Variants in PKD1L1 observed in about 807,000 individuals in gnomAD.
PKD1L1 encodes polycystin-1-like protein 1.
PKD1L1 carries 236 observed loss-of-function variants against 323.4 expected under a neutral mutation model. That is an observed-to-expected ratio of 0.73 (90% CI 0.66 to 0.81). The LOEUF (loss-of-function observed/expected upper bound fraction) is 0.81. PKD1L1 is among the 40% of genes least tolerant of loss of function. PKD1L1 has a pLI of 0.00. For missense variants in PKD1L1, 3,320 were observed against 3,508.0 expected (o/e 0.95, Z 1.35); for synonymous variants, 1,344 against 1,335.0 (o/e 1.01, Z -0.15).
Position 47,786,977 on chromosome 7 carries a change from C to A in PKD1L1, c.8526+5650G>T, listed in dbSNP as rs190249564. Among the ~76,000 whole-genome samples the A allele has an allele frequency of 1.1e-3, 161 of 152,300 alleles. 1 individual carries two copies. The highest frequency in any genetic ancestry group is 3.7e-3 in the African/African-American group (154 of 41,574). On this transcript the variant is annotated intron_variant, in intron 56 of 56. Coordinates refer to ENST00000289672, the MANE Select transcript of PKD1L1 (RefSeq NM_138295.5). The stretch of plus-strand genomic sequence containing the variant: ...TGAGTCACTTTAAAAATACAAAGAA[C>A]AATATGATTTGTAGGTGGTTATTGA...
intron 34 of PKD1L1, among the ~76,000 whole-genome samples, chr7:47,841,501 A>G (rs1383705059): frequency 6.6e-6 from 1 of 152,208 alleles, no homozygotes; most frequent in Non-Finnish European, 1.5e-5. Flanking sequence ...TCAGTTTTCC[A>G]AGTTCCACAA....
chr7:47,945,239 C>A (rs1034852913), intron 1 of PKD1L1, among the ~76,000 whole-genome samples: 6 of 152,180 alleles, frequency 3.9e-5, no homozygotes, highest in Non-Finnish European at 8.8e-5. Context: ...CTGAAAAATG[C>A]ATTCAGCTCT....
chr7:47,789,516 C>T lies in PKD1L1; in HGVS notation c.8526+3111G>A, dbSNP rs529196267. On this transcript the variant is annotated intron_variant, in intron 56 of 56. Transcript: ENST00000289672. ...TTGCTGTTGATTTCATTAAATTATACTTTCATTCTTTCAACTTCTTTCCTT... is the reference window on the plus strand; with the variant it reads ...TTGCTGTTGATTTCATTAAATTATATTTTCATTCTTTCAACTTCTTTCCTT... Among the ~76,000 whole-genome samples the T allele has an allele frequency of 3.3e-5, 5 of 152,128 alleles. No individual in the cohort carries two copies. In the South Asian group the frequency reaches 1.0e-3, roughly 32 times the overall value.
At chr7:47,896,142 G>A (rs1786929975) in intron 14 of PKD1L1, among the ~76,000 whole-genome samples, 1 of 151,996 alleles carries the variant, frequency 6.6e-6, no homozygotes, top group Admixed American at 6.6e-5. Context: ...TTCGAGAGCA[G>A]CCTGTGCAAC....
Position 47,792,745 on chromosome 7 carries a change from A to G in PKD1L1, c.8408T>C (p.Ile2803Thr), listed in dbSNP as rs1358292303. The G allele has an allele frequency of 2.5e-6, 4 of 1,614,096 alleles. No individual in the cohort carries two copies. Among genetic ancestry groups the G allele is most frequent in the African/African-American group, 1.3e-5 (1 of 75,040 alleles). Reference sequence around the variant, plus strand: ...TTGTAGGCTGTCGGACAAACCATTAATCTTCATCAGAAGTTCGTCTAACAG... The same window carrying G: ...TTGTAGGCTGTCGGACAAACCATTAGTCTTCATCAGAAGTTCGTCTAACAG... ...ANLLDELLMK[I>T]NGLSDSLQLP... The change falls in exon 56 of 57, where the codon ATT (isoleucine) becomes ACT (threonine). Residue 2803 changes from isoleucine to threonine, a missense_variant. Coordinates refer to ENST00000289672, the MANE Select transcript of PKD1L1 (RefSeq NM_138295.5).
intron 41 of PKD1L1, among the ~76,000 whole-genome samples, 156 bp from the exon 42 acceptor site, chr7:47,831,508 G>A (rs544742177): frequency 6.6e-6 from 1 of 152,314 alleles, no homozygotes; most frequent in South Asian, 2.1e-4. Flanking sequence ...TCGGGGTTGG[G>A]GGTGTTTCCA....
intron 7 of PKD1L1, among the ~76,000 whole-genome samples, chr7:47,926,242 AC>A (rs937621426): frequency 6.6e-6 from 1 of 152,220 alleles, no homozygotes; most frequent in Non-Finnish European, 1.5e-5. Flanking sequence ...CTTCACCACC[AC>A]TTATTTTCAC....
intron 46 of PKD1L1, 89 bp from the exon 47 acceptor site, chr7:47,815,546 T>C: frequency 6.9e-7 from 1 of 1,445,466 alleles, no homozygotes; most frequent in Non-Finnish European, 9.5e-7. Context: ...TTGCCAATTT[T>C]TCTCTCATTC....
intron 36 of PKD1L1, among the ~76,000 whole-genome samples, chr7:47,838,294 C>T (rs775399754): frequency 3.1e-4 from 47 of 152,284 alleles, no homozygotes; most frequent in Admixed American, 6.5e-4. Context: ...GGCAACAGGG[C>T]GGGTTGGAAA....
At chr7:47,775,278 G>A (rs1481127715) in intron 56 of PKD1L1, 112 bp from the exon 57 acceptor site, 3 of 1,194,392 alleles carry the variant, frequency 2.5e-6, no homozygotes, top group East Asian at 2.5e-5. Context: ...ACCACCATCA[G>A]CTAACTTGAC....
At chr7:47,922,334 C>A (rs1787561847) in intron 7 of PKD1L1, among the ~76,000 whole-genome samples, 1 of 152,344 alleles carries the variant, frequency 6.6e-6, no homozygotes, top group African/African-American at 2.4e-5. Flanking sequence ...CTGCCACTAC[C>A]CCGTCTAGGA....
chr7:47,824,265 C>T (rs190135607), intron 45 of PKD1L1, among the ~76,000 whole-genome samples: 26 of 152,308 alleles, frequency 1.7e-4, no homozygotes, highest in African/African-American at 5.8e-4. Context: ...TGATTCCATA[C>T]CTATACTTTC....
the PKD1L1 span, among the ~76,000 whole-genome samples, chr7:47,958,990 T>G: frequency 6.6e-6 from 1 of 152,180 alleles, no homozygotes; most frequent in Non-Finnish European, 1.5e-5. Context: ...CCTGACTGGT[T>G]TTCGTATTTT....
intron 13 of PKD1L1, 107 bp from the exon 14 acceptor site, chr7:47,898,301 T>C: frequency 2.2e-6 from 2 of 922,664 alleles, no homozygotes; most frequent in Non-Finnish European, 3.3e-6. Flanking sequence ...ATTATTTGTT[T>C]GCATAGTGAC....
At chr7:47,818,231 A>C (rs1785063861) in intron 46 of PKD1L1, 2 of 1,325,996 alleles carry the variant, frequency 1.5e-6, no homozygotes, top group Non-Finnish European at 2.0e-6. Context: ...TTCACGCCAA[A>C]GGAAAGGAAG....
chr7:47,946,365 C>CCA lies in PKD1L1; in HGVS notation c.44+2030_44+2031dup, dbSNP rs529090438. ...CAAATACCTACCACACAAACACACA[C>CCA]CACACACTCACACCACACCACACTC... On this transcript the variant is annotated intron_variant, in intron 1 of 56. Transcript: ENST00000289672. This position sits in a 1 kb window ranked among gnomAD's most constrained non-coding sequence, Gnocchi z 4.1. 2.8e-4 allele frequency among the ~76,000 whole-genome samples: 42 copies of CCA among 151,248 alleles called. No individual in the cohort carries two copies. Among genetic ancestry groups the CCA allele is most frequent in the South Asian group, 1.3e-3 (6 of 4,778 alleles).
At chr7:47,918,839 G>A (rs113233805) in intron 7 of PKD1L1, among the ~76,000 whole-genome samples, 9,390 of 152,052 alleles carry the variant, frequency 0.062, 382 homozygotes, top group East Asian at 0.14. Context: ...GTGACACAAC[G>A]TATCAAAACC....
intron 55 of PKD1L1, 135 bp from the exon 56 acceptor site, chr7:47,792,932 G>A: frequency 2.6e-6 from 2 of 776,938 alleles, no homozygotes; most frequent in Non-Finnish European, 2.0e-6. Context: ...GACTCTGCCT[G>A]CAGTTAGAAG....
In PKD1L1 at chr7:47,831,357, G is replaced by T; in HGVS notation, c.6338-5C>A. ...CCTCCAAACCACTGCTGGGTGCTGC[G>T]GAAGAGTAGGACAGAGACAAGGCAG... On this transcript the variant is annotated splice_polypyrimidine_tract_variant and splice_region_variant and intron_variant, in intron 41 of 56. Transcript: ENST00000289672. 1 of 1,609,694 alleles carries T rather than the reference G, an allele frequency of 6.2e-7. No individual in the cohort carries two copies. Among genetic ancestry groups the T allele is most frequent in the Non-Finnish European group, 8.5e-7 (1 of 1,178,440 alleles).
Sources: gnomAD v4.1 joint callset for allele counts (sites outside exome capture counted in the v4.1 genomes callset) on GRCh38, gnomAD v4.1.1 for gene constraint, Gnocchi (gnomAD v3.1) non-coding constraint, MANE v1.5 for transcripts, NCBI Gene and HGNC (gene_info 2026-07-23, HGNC 2026-07-21) for gene names.